Variants in PCDH15 observed in about 807,000 individuals in gnomAD.
PCDH15 encodes protocadherin related 15.
PCDH15 carries 129 observed loss-of-function variants against 178.5 expected under a neutral mutation model. The observed-to-expected ratio is 0.72, with a 90% CI of 0.63 to 0.84. The LOEUF (loss-of-function observed/expected upper bound fraction) is 0.84, where lower values mean the gene tolerates loss of function less well. Among genes scored for constraint, PCDH15 ranks in the 40% least tolerant of loss-of-function variants. PCDH15 has a pLI of 0.00. For missense variants in PCDH15, 2,230 were observed against 2,099.9 expected, an observed-to-expected ratio of 1.06 and a Z score of -1.21; for synonymous variants, 800 against 732.0, an observed-to-expected ratio of 1.09 and a Z score of -1.50.
intron 15 of PCDH15, among the ~76,000 whole-genome samples, chr10:54,121,032 C>T (rs10825240): frequency 0.69 from 103,674 of 150,718 alleles, 36,021 homozygotes; most frequent in East Asian, 0.99. Context: ...ATTTACCACA[C>T]GCTGAGTCAT....
At chr10:55,268,799 A>C (rs1028488043) in intron 1 of PCDH15, among the ~76,000 whole-genome samples, 3 of 152,174 alleles carry the variant, frequency 2.0e-5, no homozygotes, top group African/African-American at 4.8e-5. Flanking sequence ...AGAATTCATT[A>C]CTGAAGTGAA....
chr10:53,906,368 G>T (rs940435810), intron 25 of PCDH15, among the ~76,000 whole-genome samples: 1 of 151,714 alleles, frequency 6.6e-6, no homozygotes, highest in African/African-American at 2.4e-5. Context: ...TCCAGAGCTT[G>T]GTTTACATTG....
intron 20 of PCDH15, among the ~76,000 whole-genome samples, chr10:54,000,845 A>C (rs750730491): frequency 3.9e-5 from 6 of 152,192 alleles, no homozygotes; most frequent in African/African-American, 1.4e-4. Flanking sequence ...AAGATTATAG[A>C]ACTACCAGCA....
chr10:54,773,387 G>A (rs1166870083), intron 1 of PCDH15, among the ~76,000 whole-genome samples: 7 of 151,928 alleles, frequency 4.6e-5, no homozygotes, highest in African/African-American at 7.3e-5. Context: ...AGTTCATGTG[G>A]GATTGTCTAA....
intron 20 of PCDH15, among the ~76,000 whole-genome samples, chr10:53,997,712 C>T (rs1329077333): frequency 6.6e-6 from 1 of 152,114 alleles, no homozygotes; most frequent in Non-Finnish European, 1.5e-5. Context: ...ATTGGATTCA[C>T]CTTCTAACTT....
chr10:54,232,161 C>G (rs750372089), intron 9 of PCDH15, among the ~76,000 whole-genome samples: 1 of 152,108 alleles, frequency 6.6e-6, no homozygotes, highest in Non-Finnish European at 1.5e-5. Context: ...GGTAGGAGGT[C>G]ATTGAATAAT....
At position 55,555,827 on chromosome 10, in the gene PCDH15, A is replaced by C. The variant is rs148243182; in HGVS notation, c.-156+71798T>G. On this transcript the variant is annotated intron_variant, in intron 2 of 5. Coordinates refer to the PCDH15 transcript ENST00000613346. ...AAGAACACCAGAGAATCTGCCATAC[A>C]GATGATGAATAAAATTATTAAAAAC... is the stretch of plus-strand genomic sequence containing the variant. Among the ~76,000 whole-genome samples the C allele has an allele frequency of 6.4e-4, 97 of 152,258 alleles. 1 individual carries two copies. Among genetic ancestry groups the C allele is most frequent in the African/African-American group, 2.2e-3 (90 of 41,590 alleles).
chr10:54,220,444 A>G (rs2052649383), intron 9 of PCDH15, among the ~76,000 whole-genome samples: 1 of 152,216 alleles, frequency 6.6e-6, no homozygotes, highest in African/African-American at 2.4e-5. Context: ...GTTATGCTAT[A>G]TAGCCTGAGT....
chr10:55,020,551 T>G (rs770871397), intron 2 of PCDH15, among the ~76,000 whole-genome samples: 3 of 152,148 alleles, frequency 2.0e-5, no homozygotes, highest in Non-Finnish European at 2.9e-5. Context: ...TGTTAATCTA[T>G]TACTACATTT....
chr10:54,223,200 C>T (rs2053045158), intron 9 of PCDH15, among the ~76,000 whole-genome samples: 2 of 150,240 alleles, frequency 1.3e-5, no homozygotes, highest in South Asian at 4.2e-4. Flanking sequence ...AATCTAGGTA[C>T]TCGAGAGGCT....
At chr10:53,850,162 A>G (rs2078265252) in intron 28 of PCDH15, among the ~76,000 whole-genome samples, 1 of 152,114 alleles carries the variant, frequency 6.6e-6, no homozygotes, top group Admixed American at 6.5e-5. Context: ...TTAGTTTATA[A>G]TCATCTTTGT....
intron 1 of PCDH15, among the ~76,000 whole-genome samples, chr10:54,763,327 T>A (rs1242380346): frequency 6.6e-6 from 1 of 152,146 alleles, no homozygotes; most frequent in Non-Finnish European, 1.5e-5. Flanking sequence ...GTAGCTCAGA[T>A]TCCATGAGAC....
intron 2 of PCDH15, among the ~76,000 whole-genome samples, chr10:55,509,215 T>G (rs1463105656): frequency 6.6e-6 from 1 of 151,660 alleles, no homozygotes; most frequent in Non-Finnish European, 1.5e-5. Flanking sequence ...TGAAATGCCC[T>G]CAGAAGATTT....
At position 53,806,495 on chromosome 10, in the gene PCDH15, ACATT is replaced by A; in HGVS notation, c.*80_*83del. 6.0e-6 allele frequency: 7 copies of A among 1,170,508 alleles called. No individual in the cohort carries two copies. The highest frequency in any genetic ancestry group is 8.3e-6 in the Non-Finnish European group (7 of 841,638). 72.5% of individuals were successfully genotyped at this position (1,170,508 alleles called of 1,614,324 possible). A position where few individuals can be genotyped will look rare whatever the true frequency, so the allele number is the denominator to read the frequency against. Reference sequence around the variant, plus strand: ...CTTGTGTGCATGATATAAATTCCATACATTGTTTTCTCAGTGACAATAAAAAGCA... The same window carrying A: ...CTTGTGTGCATGATATAAATTCCATAGTTTTCTCAGTGACAATAAAAAGCA... On this transcript the variant is annotated 3_prime_UTR_variant, in exon 38 of 38. Coordinates refer to ENST00000644397, the MANE Select transcript of PCDH15 (RefSeq NM_001384140.1).
At chr10:54,342,936 T>C (rs1387363350) in intron 6 of PCDH15, among the ~76,000 whole-genome samples, 1 of 152,214 alleles carries the variant, frequency 6.6e-6, no homozygotes, top group Non-Finnish European at 1.5e-5. Context: ...TGGGTGTATA[T>C]ACCTAATGTC....
intron 1 of PCDH15, among the ~76,000 whole-genome samples, chr10:54,783,245 T>C (rs756888599): frequency 6.6e-6 from 1 of 152,028 alleles, no homozygotes; most frequent in African/African-American, 2.4e-5. Flanking sequence ...TAATTTATGA[T>C]CTGAATGAGA....
At chr10:54,533,522 G>A (rs1429761905) in intron 2 of PCDH15, among the ~76,000 whole-genome samples, 1 of 152,148 alleles carries the variant, frequency 6.6e-6, no homozygotes, top group Non-Finnish European at 1.5e-5. Flanking sequence ...GCTTCCAAAT[G>A]TCTATAATTT....
intron 1 of PCDH15, among the ~76,000 whole-genome samples, chr10:54,798,905 G>C (rs750531674): frequency 6.6e-6 from 1 of 152,026 alleles, no homozygotes; most frequent in Non-Finnish European, 1.5e-5. Flanking sequence ...CCTACAGTCT[G>C]AAATTGTATC....
intron 2 of PCDH15, among the ~76,000 whole-genome samples, chr10:54,598,525 T>C (rs1204149475): frequency 1.3e-5 from 2 of 152,098 alleles, no homozygotes; most frequent in Non-Finnish European, 2.9e-5. Flanking sequence ...TCAGACTGAA[T>C]GGGCAAAAGC....
Sources: allele counts gnomAD v4.1 joint callset (sites outside exome capture counted in the v4.1 genomes callset), GRCh38; gene constraint gnomAD v4.1.1; transcripts MANE v1.5; gene names NCBI Gene and HGNC (gene_info 2026-07-23, HGNC 2026-07-21).